The following DEPDC1B variants were observed in gnomAD, a reference collection of about 807,000 sequenced individuals.
The protein encoded by DEPDC1B is DEP domain-containing protein 1B.
A neutral mutation model predicts 66.5 loss-of-function variants in DEPDC1B; 51 were observed. The ratio of observed to expected loss-of-function variants is 0.77; its 90% CI spans 0.61 to 0.97. The LOEUF is 0.97. Among genes scored for constraint, DEPDC1B ranks in the 50% least tolerant of loss-of-function variants. DEPDC1B has a pLI of 0.00. For missense variants in DEPDC1B, 552 were observed against 637.1 expected (o/e 0.87, Z 1.44); for synonymous variants, 226 against 223.6 (o/e 1.01, Z -0.10).
intron 2 of DEPDC1B, among the ~76,000 whole-genome samples, chr5:60,665,814 A>G: frequency 6.6e-6 from 1 of 152,182 alleles, no homozygotes; most frequent in East Asian, 1.9e-4. Flanking sequence ...CTCACACCCA[A>G]CTAATCACGT....
chr5:60,606,467 T>G (rs1425313301), intron 7 of DEPDC1B, among the ~76,000 whole-genome samples: 2 of 151,928 alleles, frequency 1.3e-5, no homozygotes, highest in Non-Finnish European at 2.9e-5. Context: ...TCAGGTATGA[T>G]TTTGCTAAAA....
chr5:60,653,123 C>T (rs927735666), intron 2 of DEPDC1B, among the ~76,000 whole-genome samples: 9 of 149,166 alleles, frequency 6.0e-5, no homozygotes, highest in Admixed American at 6.0e-4. Flanking sequence ...TGGGTCGATA[C>T]CCAGTTGTGG....
intron 2 of DEPDC1B, among the ~76,000 whole-genome samples, chr5:60,666,968 A>G (rs941025263): frequency 2.0e-5 from 3 of 152,336 alleles, no homozygotes; most frequent in Middle Eastern, 3.4e-3. Context: ...AGCTCTTTCT[A>G]AATGCTTGCC....
chr5:60,666,044 G>C (rs1184873964), intron 2 of DEPDC1B, among the ~76,000 whole-genome samples: 1 of 152,180 alleles, frequency 6.6e-6, no homozygotes, highest in African/African-American at 2.4e-5. Context: ...TCTGGTCCGC[G>C]TTTGTTACAG....
intron 2 of DEPDC1B, among the ~76,000 whole-genome samples, chr5:60,652,634 G>A (rs1209183045): frequency 6.7e-6 from 1 of 148,750 alleles, no homozygotes; most frequent in Admixed American, 6.7e-5. Flanking sequence ...TAAGTCTTGA[G>A]GGACAGGTGG....
At chr5:60,698,535 G>A (rs1438367547) in intron 1 of DEPDC1B, among the ~76,000 whole-genome samples, 1 of 152,140 alleles carries the variant, frequency 6.6e-6, no homozygotes, top group East Asian at 1.9e-4. Flanking sequence ...ATTATTTGTG[G>A]CACATGAGTG....
intron 7 of DEPDC1B, among the ~76,000 whole-genome samples, chr5:60,636,251 T>C (rs185221558): frequency 4.1e-4 from 62 of 152,346 alleles, no homozygotes; most frequent in African/African-American, 1.4e-3. Flanking sequence ...ATTTTTTTAA[T>C]ATAAGTAACA....
At chr5:60,677,381 C>G (rs996938370) in intron 2 of DEPDC1B, among the ~76,000 whole-genome samples, 1 of 146,200 alleles carries the variant, frequency 6.8e-6, no homozygotes, top group Non-Finnish European at 1.5e-5. Flanking sequence ...ATTATAAAGT[C>G]AGGCAGATAA....
At chr5:60,680,021 C>T (rs547280722) in intron 2 of DEPDC1B, among the ~76,000 whole-genome samples, 6 of 152,090 alleles carry the variant, frequency 3.9e-5, no homozygotes, top group African/African-American at 1.4e-4. Context: ...ATAGAATTGT[C>T]GTAAAGATCA....
intron 7 of DEPDC1B, 101 bp downstream of exon 7, chr5:60,638,649 A>T: frequency 8.1e-7 from 1 of 1,227,260 alleles, no homozygotes; most frequent in Non-Finnish European, 1.1e-6. Flanking sequence ...TTTTATTTTT[A>T]AAATGGCATG....
At chr5:60,675,455 G>A (rs1372140661) in intron 2 of DEPDC1B, among the ~76,000 whole-genome samples, 4 of 152,036 alleles carry the variant, frequency 2.6e-5, no homozygotes, top group Non-Finnish European at 4.4e-5. Flanking sequence ...CAAAGACTTA[G>A]ACACCCACTA....
intron 2 of DEPDC1B, among the ~76,000 whole-genome samples, chr5:60,650,751 T>TTTCCAAAGGTGCCATATA (rs1156842367): frequency 6.6e-6 from 1 of 152,330 alleles, no homozygotes; most frequent in African/African-American, 2.4e-5. Context: ...GCCTGCCATA[T>TTTCCAAAGGTGCCATATA]TTCCAAAGGT....
intron 5 of DEPDC1B, among the ~76,000 whole-genome samples, chr5:60,644,225 TTTTGTTTG>T (rs890948038): frequency 1.3e-5 from 2 of 152,214 alleles, no homozygotes; most frequent in Non-Finnish European, 2.9e-5. Context: ...TATATGGTTC[TTTTGTTTG>T]TTTGTTTGTT....
chr5:60,686,430 TA>T (rs1754414386), intron 2 of DEPDC1B, among the ~76,000 whole-genome samples: 1 of 152,208 alleles, frequency 6.6e-6, no homozygotes, highest in African/African-American at 2.4e-5. Flanking sequence ...TATCTGGCGG[TA>T]AGTGTCCACA....
chr5:60,667,496 G>A (rs899797617), intron 2 of DEPDC1B, among the ~76,000 whole-genome samples: 3 of 143,074 alleles, frequency 2.1e-5, no homozygotes, highest in Non-Finnish European at 4.6e-5. Context: ...TACAAAAAAT[G>A]GATATTTTAC....
chr5:60,654,042 A>G (rs1753520281), intron 2 of DEPDC1B, among the ~76,000 whole-genome samples: 1 of 149,184 alleles, frequency 6.7e-6, no homozygotes, highest in African/African-American at 2.5e-5. Context: ...GCAATGTAAT[A>G]CTTCCAGATT....
chr5:60,657,397 G>A (rs547348284), intron 2 of DEPDC1B, among the ~76,000 whole-genome samples: 5 of 152,170 alleles, frequency 3.3e-5, no homozygotes, highest in African/African-American at 1.2e-4. Flanking sequence ...TAGGTCCTGT[G>A]AGATTTATGC....
At chr5:60,678,925 C>T (rs1017525617) in intron 2 of DEPDC1B, among the ~76,000 whole-genome samples, 1 of 152,088 alleles carries the variant, frequency 6.6e-6, no homozygotes. Context: ...CATATTTTTC[C>T]TTTATGTTTG....
chr5:60,629,389 G>A (rs1752875246), intron 7 of DEPDC1B, among the ~76,000 whole-genome samples: 2 of 152,150 alleles, frequency 1.3e-5, no homozygotes, highest in Admixed American at 6.5e-5. Context: ...GCAAATGATA[G>A]TTGTATTTTA....
Sources: gnomAD v4.1 joint callset for allele counts (sites outside exome capture counted in the v4.1 genomes callset) on GRCh38, gnomAD v4.1.1 for gene constraint, MANE v1.5 for transcripts, NCBI Gene and HGNC (gene_info 2026-07-23, HGNC 2026-07-21) for gene names.